Variants in STX8 observed in about 807,000 individuals in gnomAD.
STX8 encodes syntaxin 8, also known as syntaxin-8.
A neutral mutation model predicts 37.5 loss-of-function variants in STX8; 23 were observed. The observed-to-expected ratio is 0.61, with a 90% CI of 0.44 to 0.87. The LOEUF (loss-of-function observed/expected upper bound fraction) is 0.87. Among genes scored for constraint, STX8 ranks in the 40% least tolerant of loss-of-function variants. The probability of loss-of-function intolerance (pLI) is 0.00; values close to 1 mark genes in which losing one functional copy is unlikely to be tolerated. For synonymous variants in STX8, 115 were observed against 99.1 expected, an observed-to-expected ratio of 1.16 and a Z score of -0.95; for missense variants, 313 against 284.7, an observed-to-expected ratio of 1.10 and a Z score of -0.71.
intron 7 of STX8, among the ~76,000 whole-genome samples, chr17:9,353,222 C>T (rs1273879958): frequency 6.6e-6 from 1 of 152,170 alleles, no homozygotes; most frequent in Admixed American, 6.5e-5. Flanking sequence ...TATAAGTCAG[C>T]TCCTGTGTTC....
chr17:9,409,797 A>G (rs1912922442), intron 6 of STX8, among the ~76,000 whole-genome samples: 1 of 152,202 alleles, frequency 6.6e-6, no homozygotes, highest in Non-Finnish European at 1.5e-5. Context: ...TGGGGGGAAA[A>G]AAAGCCAGGT....
At chr17:9,277,134 T>C (rs1012597036) in intron 7 of STX8, among the ~76,000 whole-genome samples, 7 of 152,264 alleles carry the variant, frequency 4.6e-5, no homozygotes, top group Middle Eastern at 3.4e-3. Flanking sequence ...TTAACATCCA[T>C]GGCTATTTCA....
chr17:9,385,404 G>A (rs972472265), intron 6 of STX8, among the ~76,000 whole-genome samples: 1 of 152,128 alleles, frequency 6.6e-6, no homozygotes, highest in South Asian at 2.1e-4. Context: ...GAAAATATTT[G>A]TAGAACATAT....
intron 6 of STX8, among the ~76,000 whole-genome samples, chr17:9,467,907 G>A (rs1905685586): frequency 6.6e-6 from 1 of 152,162 alleles, no homozygotes; most frequent in African/African-American, 2.4e-5. Flanking sequence ...GGGAGCTATA[G>A]GACAGATTCC....
At chr17:9,402,682 C>G (rs1597649853) in intron 6 of STX8, among the ~76,000 whole-genome samples, 1 of 152,084 alleles carries the variant, frequency 6.6e-6, no homozygotes, top group African/African-American at 2.4e-5. Flanking sequence ...AATTACCTCT[C>G]AGCTCCAAAT....
intron 6 of STX8, among the ~76,000 whole-genome samples, chr17:9,400,108 T>TA (rs200953898): frequency 0.059 from 8,791 of 148,378 alleles, 303 homozygotes; most frequent in Non-Finnish European, 0.075. Flanking sequence ...TTGTTATTAT[T>TA]TTTTTTTTTT....
intron 7 of STX8, among the ~76,000 whole-genome samples, chr17:9,279,263 G>T (rs1907795121): frequency 6.6e-6 from 1 of 152,000 alleles, no homozygotes; most frequent in African/African-American, 2.4e-5. Context: ...CACCATGTTG[G>T]CCAGGCTGGT....
chr17:9,468,493 T>C (rs112858199), intron 6 of STX8, among the ~76,000 whole-genome samples: 2,392 of 152,346 alleles, frequency 0.016, 37 homozygotes, highest in Middle Eastern at 0.054. Context: ...ACTTGTATTC[T>C]AGTTAACTCA....
chr17:9,468,325 G>C (rs566362084), intron 6 of STX8, among the ~76,000 whole-genome samples: 92 of 152,198 alleles, frequency 6.0e-4, no homozygotes, highest in Non-Finnish European at 1.0e-3. Flanking sequence ...GGCCAGGCTG[G>C]TCTCAAACTC....
chr17:9,260,838 G>C (rs1384243372), intron 7 of STX8, among the ~76,000 whole-genome samples: 2 of 152,222 alleles, frequency 1.3e-5, no homozygotes, highest in African/African-American at 2.4e-5. Flanking sequence ...CTCCCAGCCT[G>C]AGCTGGTGCC....
intron 2 of STX8, among the ~76,000 whole-genome samples, chr17:9,562,864 T>A (rs1329151954): frequency 1.3e-5 from 2 of 151,986 alleles, no homozygotes; most frequent in East Asian, 3.9e-4. Context: ...AAAAAAAAAA[T>A]TACATATGCC....
intron 7 of STX8, among the ~76,000 whole-genome samples, chr17:9,272,846 G>T (rs1380305813): frequency 2.0e-5 from 3 of 152,306 alleles, no homozygotes; most frequent in South Asian, 2.1e-4. Context: ...CTAGGAGCAG[G>T]ATGGGTCTTC....
intron 6 of STX8, among the ~76,000 whole-genome samples, chr17:9,428,518 G>A (rs1199528536): frequency 3.3e-5 from 5 of 152,234 alleles, no homozygotes; most frequent in Non-Finnish European, 7.3e-5. Context: ...GGGATTACAG[G>A]CGTAAGCCAC....
intron 7 of STX8, among the ~76,000 whole-genome samples, chr17:9,314,495 T>A (rs1431097094): frequency 2.6e-5 from 4 of 152,018 alleles, no homozygotes; most frequent in Non-Finnish European, 5.9e-5. Context: ...CCTCCCAGGT[T>A]CATACCATTC....
intron 7 of STX8, among the ~76,000 whole-genome samples, chr17:9,257,194 GTAT>G (rs1467244636): frequency 3.3e-5 from 5 of 152,150 alleles, no homozygotes; most frequent in Non-Finnish European, 5.9e-5. Context: ...TACCAGATGA[GTAT>G]TACTCAACCA....
At chr17:9,544,045 C>G (rs2046575789) in intron 4 of STX8, among the ~76,000 whole-genome samples, 1 of 152,170 alleles carries the variant, frequency 6.6e-6, no homozygotes. Context: ...CCACCGCAAT[C>G]CCACTCTGGT....
chr17:9,255,661 G>C (rs1906768847), intron 7 of STX8, among the ~76,000 whole-genome samples: 1 of 152,182 alleles, frequency 6.6e-6, no homozygotes, highest in South Asian at 2.1e-4. Flanking sequence ...CTTGTCCCAA[G>C]ATGAAAAGGA....
intron 4 of STX8, among the ~76,000 whole-genome samples, chr17:9,537,545 GGTTT>G (rs1213263362): frequency 1.4e-5 from 2 of 144,322 alleles, no homozygotes; most frequent in Non-Finnish European, 3.0e-5. Flanking sequence ...GACATTCGCA[GGTTT>G]GTTAACACAG....
chr17:9,531,176 C>G (rs969702114), intron 4 of STX8, among the ~76,000 whole-genome samples: 17 of 152,206 alleles, frequency 1.1e-4, no homozygotes, highest in African/African-American at 4.1e-4. Flanking sequence ...CACACTACAG[C>G]TTTGTGGTGA....
Sources: allele counts gnomAD v4.1 joint callset (sites outside exome capture counted in the v4.1 genomes callset), GRCh38; gene constraint gnomAD v4.1.1; transcripts MANE v1.5; gene names NCBI Gene and HGNC (gene_info 2026-07-23, HGNC 2026-07-21).